The following CTNNA3 variants were observed in gnomAD, a reference collection of about 807,000 sequenced individuals.
The protein encoded by CTNNA3 is catenin alpha 3.
CTNNA3 carries 76 observed loss-of-function variants against 95.7 expected under a neutral mutation model. The ratio of observed to expected loss-of-function variants is 0.79; its 90% CI spans 0.66 to 0.96. CTNNA3 has a LOEUF of 0.96. Ranked by LOEUF, CTNNA3 falls within the 40% of genes least tolerant of loss-of-function variation. The pLI is 0.00. For synonymous variants in CTNNA3, 431 were observed against 374.4 expected, an observed-to-expected ratio of 1.15 and a Z score of -1.74; for missense variants, 1,191 against 1,089.8, an observed-to-expected ratio of 1.09 and a Z score of -1.31.
At chr10:66,116,845 C>T (rs1171754212) in intron 13 of CTNNA3, among the ~76,000 whole-genome samples, 2 of 152,162 alleles carry the variant, frequency 1.3e-5, no homozygotes, top group Admixed American at 6.5e-5. Context: ...AAGGGGGAAG[C>T]GCTGCACACT....
intron 7 of CTNNA3, among the ~76,000 whole-genome samples, chr10:67,148,811 AT>A (rs1282053643): frequency 1.3e-5 from 2 of 152,246 alleles, no homozygotes; most frequent in African/African-American, 4.8e-5. Context: ...CTGCCAAGAA[AT>A]GCAGTAAATC....
intron 13 of CTNNA3, among the ~76,000 whole-genome samples, chr10:66,116,492 A>T (rs2082345001): frequency 1.3e-5 from 2 of 152,224 alleles, no homozygotes; most frequent in South Asian, 4.1e-4. Flanking sequence ...CTTAATCAAC[A>T]GATGAATTAT....
intron 13 of CTNNA3, among the ~76,000 whole-genome samples, chr10:66,268,962 C>T (rs7912066): frequency 0.55 from 84,301 of 151,970 alleles, 24,626 homozygotes; most frequent in African/African-American, 0.75. Flanking sequence ...ATCAGACCAA[C>T]GTAAGGTTGA....
At chr10:67,615,989 G>A (rs1430378519) in intron 2 of CTNNA3, among the ~76,000 whole-genome samples, 3 of 152,094 alleles carry the variant, frequency 2.0e-5, no homozygotes, top group Non-Finnish European at 2.9e-5. Flanking sequence ...CAGATGCTAT[G>A]AGGAAAGTGA....
chr10:66,759,190 T>C (rs1839497536), intron 9 of CTNNA3, among the ~76,000 whole-genome samples: 1 of 152,134 alleles, frequency 6.6e-6, no homozygotes, highest in Non-Finnish European at 1.5e-5. Context: ...GCAAGATTTT[T>C]GAAAAAAACA....
chr10:66,532,102 C>T (rs1384575421), intron 10 of CTNNA3, among the ~76,000 whole-genome samples: 1 of 151,920 alleles, frequency 6.6e-6, no homozygotes, highest in Admixed American at 6.6e-5. Flanking sequence ...GACATAAAGT[C>T]AAAATGTAAG....
At chr10:66,269,731 A>G (rs1326925898) in intron 13 of CTNNA3, among the ~76,000 whole-genome samples, 10 of 152,190 alleles carry the variant, frequency 6.6e-5, no homozygotes, top group African/African-American at 2.2e-4. Flanking sequence ...CACAAACTCT[A>G]TCCTTAGGAT....
chr10:66,395,517 A>C (rs992318957), intron 11 of CTNNA3, among the ~76,000 whole-genome samples: 3 of 145,230 alleles, frequency 2.1e-5, no homozygotes, highest in Non-Finnish European at 3.0e-5. Flanking sequence ...ACAAAGACTA[A>C]TAAAAAAATA....
chr10:66,873,106 C>T (rs746344515), intron 7 of CTNNA3, among the ~76,000 whole-genome samples: 2 of 152,128 alleles, frequency 1.3e-5, no homozygotes, highest in African/African-American at 4.8e-5. Flanking sequence ...TGGATGCACA[C>T]CTAGGTTGAT....
At chr10:66,284,412 C>T (rs1390078555) in intron 12 of CTNNA3, among the ~76,000 whole-genome samples, 1 of 151,790 alleles carries the variant, frequency 6.6e-6, no homozygotes, top group African/African-American at 2.4e-5. Context: ...CTCTCTGAAC[C>T]CTAAATCTGC....
chr10:65,963,487 C>T (rs1472736147), intron 17 of CTNNA3, among the ~76,000 whole-genome samples: 1 of 152,210 alleles, frequency 6.6e-6, no homozygotes, highest in Admixed American at 6.5e-5. Context: ...GAAGCTTTCT[C>T]TTGCCTGCTC....
At chr10:67,555,796 A>G in intron 3 of CTNNA3, among the ~76,000 whole-genome samples, 1 of 152,176 alleles carries the variant, frequency 6.6e-6, no homozygotes, top group Non-Finnish European at 1.5e-5. Flanking sequence ...ACTATGTTGA[A>G]AAGGAGTGGT....
intron 7 of CTNNA3, among the ~76,000 whole-genome samples, chr10:66,787,060 CTTTT>C (rs1172819983): frequency 3.5e-4 from 54 of 152,204 alleles, no homozygotes; most frequent in African/African-American, 1.1e-3. Context: ...TTCTAAGTTC[CTTTT>C]TTCCTGCAAA....
chr10:66,106,649 C>A (rs112955385), intron 13 of CTNNA3, among the ~76,000 whole-genome samples: 57 of 152,140 alleles, frequency 3.7e-4, no homozygotes, highest in African/African-American at 1.3e-3. Flanking sequence ...TGGATTGTGG[C>A]AAAAGTTTAT....
At chr10:67,291,938 G>A (rs1000516277) in intron 5 of CTNNA3, among the ~76,000 whole-genome samples, 1 of 152,128 alleles carries the variant, frequency 6.6e-6, no homozygotes, top group Non-Finnish European at 1.5e-5. Flanking sequence ...CAAAGATGCA[G>A]GGGAAATTGT....
At chr10:67,069,557 GCCCCA>G (rs549930721) in intron 7 of CTNNA3, among the ~76,000 whole-genome samples, 7,596 of 96,224 alleles carry the variant, frequency 0.079, 314 homozygotes, top group South Asian at 0.19. Flanking sequence ...ACAGCAGCCC[GCCCCA>G]CCCCACCCCA....
intron 7 of CTNNA3, among the ~76,000 whole-genome samples, chr10:66,841,411 C>T (rs1194048911): frequency 6.6e-6 from 1 of 152,172 alleles, no homozygotes; most frequent in African/African-American, 2.4e-5. Flanking sequence ...AAGTATTCAT[C>T]AATTTAATTA....
At chr10:66,759,914 C>A (rs1839534896) in intron 9 of CTNNA3, among the ~76,000 whole-genome samples, 2 of 152,012 alleles carry the variant, frequency 1.3e-5, no homozygotes, top group African/African-American at 4.8e-5. Context: ...TAGTTTTTTA[C>A]TCTTTTTAGT....
intron 11 of CTNNA3, among the ~76,000 whole-genome samples, chr10:66,464,968 G>A (rs1838848084): frequency 6.6e-6 from 1 of 152,006 alleles, no homozygotes; most frequent in Non-Finnish European, 1.5e-5. Context: ...TGGTAATGCT[G>A]ATTTTCTTCC....
Sources: gnomAD v4.1 joint callset for allele counts (sites outside exome capture counted in the v4.1 genomes callset) on GRCh38, gnomAD v4.1.1 for gene constraint, MANE v1.5 for transcripts, NCBI Gene and HGNC (gene_info 2026-07-23, HGNC 2026-07-21) for gene names.